The following DNER variants were observed in gnomAD, a reference collection of about 807,000 sequenced individuals.
The protein encoded by DNER is delta/notch like EGF repeat containing, also known as delta and Notch-like epidermal growth factor-related receptor.
DNER carries 33 observed loss-of-function variants against 78.2 expected under a neutral mutation model. The ratio of observed to expected loss-of-function variants is 0.42; its 90% CI spans 0.32 to 0.56. DNER has a LOEUF of 0.56. Ranked by LOEUF, DNER falls within the 20% of genes least tolerant of loss-of-function variation. DNER has a pLI of 0.11. For synonymous variants in DNER, 417 were observed against 384.8 expected (o/e 1.08, Z -0.98); for missense variants, 918 against 975.3 (o/e 0.94, Z 0.78).
At chr2:229,578,161 G>T (rs1425889501) in intron 4 of DNER, among the ~76,000 whole-genome samples, 1 of 152,160 alleles carries the variant, frequency 6.6e-6, no homozygotes, top group East Asian at 1.9e-4. Context: ...AGAGAAAAAC[G>T]TATGCTAAGC....
chr2:229,703,637 G>C (rs1310377111), intron 1 of DNER, among the ~76,000 whole-genome samples: 2 of 152,220 alleles, frequency 1.3e-5, no homozygotes, highest in African/African-American at 4.8e-5. Flanking sequence ...CTAGCACTTT[G>C]AGAGGCCAAG....
chr2:229,636,753 C>A (rs1698537762), intron 1 of DNER, among the ~76,000 whole-genome samples: 1 of 152,102 alleles, frequency 6.6e-6, no homozygotes, highest in African/African-American at 2.4e-5. Context: ...GACTCCTTTG[C>A]AGTTGGGTGT....
chr2:229,382,351 C>T (rs1692759414), intron 11 of DNER, among the ~76,000 whole-genome samples: 1 of 152,118 alleles, frequency 6.6e-6, no homozygotes, highest in Non-Finnish European at 1.5e-5. Context: ...AACCAGAATG[C>T]CTCTTCTCCT....
intron 1 of DNER, among the ~76,000 whole-genome samples, chr2:229,593,414 C>T (rs972295207): frequency 6.6e-6 from 1 of 152,154 alleles, no homozygotes; most frequent in Non-Finnish European, 1.5e-5. Context: ...CTCATTCCAT[C>T]CTCTACTCAA....
At chr2:229,551,933 A>AAAATAAAT (rs540078336) in intron 4 of DNER, among the ~76,000 whole-genome samples, 5 of 151,576 alleles carry the variant, frequency 3.3e-5, no homozygotes, top group Admixed American at 1.3e-4. Flanking sequence ...TCCATCTCAA[A>AAAATAAAT]AAATAAATAA....
chr2:229,681,067 T>C (rs1448913442), intron 1 of DNER, among the ~76,000 whole-genome samples: 1 of 152,134 alleles, frequency 6.6e-6, no homozygotes, highest in Admixed American at 6.6e-5. Flanking sequence ...CTGATAAAAG[T>C]TTAACAACCA....
At chr2:229,596,004 T>C (rs961157719) in intron 1 of DNER, among the ~76,000 whole-genome samples, 1 of 152,094 alleles carries the variant, frequency 6.6e-6, no homozygotes, top group Admixed American at 6.5e-5. Flanking sequence ...TTCTAAAATA[T>C]CCATCATCTT....
chr2:229,611,713 T>A (rs1177878249), intron 1 of DNER, among the ~76,000 whole-genome samples: 1 of 152,218 alleles, frequency 6.6e-6, no homozygotes, highest in Non-Finnish European at 1.5e-5. Flanking sequence ...CAAAGTCCTA[T>A]GGGGTTAGAT....
rs762987684 is a variant in DNER, at chr2:229,547,013, C to T, written c.927G>A (p.Pro309=). The part of the protein sequence containing the change: ...TLVVKVSTCV[P]GESHANDLEC... ...CCAAGTCATTTGCGTGACTCTCCCC[C>T]GGCACACAGGTGCTGACCTTCACCA... is the stretch of plus-strand genomic sequence containing the variant. The change falls in exon 5 of 13, where the codon CCG becomes CCA. Residue 309 remains proline (P), a synonymous_variant. Transcript: ENST00000341772. The T allele has an allele frequency of 1.8e-5, 29 of 1,614,044 alleles. No individual in the cohort carries two copies. Among genetic ancestry groups the T allele is most frequent in the South Asian group, 4.4e-5 (4 of 91,090 alleles).
At position 229,596,795 on chromosome 2, in the gene DNER, C is replaced by T. The variant is rs186812426; in HGVS notation, c.277-4907G>A. ...GGGATGAAACAATGAATGACTGACA[C>T]GGAAGGCCAGGAGAAACACTCTTAG... is the stretch of plus-strand genomic sequence containing the variant. On this transcript the variant is annotated intron_variant, in intron 1 of 12. Coordinates refer to ENST00000341772, the MANE Select transcript of DNER (RefSeq NM_139072.4). 4.6e-5 allele frequency among the ~76,000 whole-genome samples: 7 copies of T among 152,278 alleles called. No homozygotes were observed. In the East Asian group the frequency reaches 7.7e-4, roughly 17 times the overall value.
chr2:229,386,869 CT>C (rs769434848), intron 11 of DNER, among the ~76,000 whole-genome samples: 11 of 152,090 alleles, frequency 7.2e-5, no homozygotes, highest in Non-Finnish European at 1.3e-4. Flanking sequence ...TGCTTTTATA[CT>C]CTTGGTGGGA....
intron 1 of DNER, among the ~76,000 whole-genome samples, chr2:229,702,754 A>C (rs750202437): frequency 6.6e-6 from 1 of 150,896 alleles, no homozygotes; most frequent in Admixed American, 6.6e-5. Flanking sequence ...CATCTCTATT[A>C]AAAACACAAA....
At position 229,682,619 on chromosome 2, in the gene DNER, C is replaced by T. The variant is rs556109784; in HGVS notation, c.276+31529G>A. Among the ~76,000 whole-genome samples the T allele has an allele frequency of 2.6e-5, 4 of 152,160 alleles. No homozygotes were observed. The East Asian group carries it at 5.8e-4, about 22-fold the overall frequency. Reference sequence around the variant, plus strand: ...TCCCAGCACTTTGGGAGGTCGAGGCCGGCAGATCACCTGAGGTCAGGAGTT... The same window carrying T: ...TCCCAGCACTTTGGGAGGTCGAGGCTGGCAGATCACCTGAGGTCAGGAGTT... On this transcript the variant is annotated intron_variant, in intron 1 of 12. Coordinates refer to ENST00000341772, the MANE Select transcript of DNER (RefSeq NM_139072.4).
intron 1 of DNER, among the ~76,000 whole-genome samples, chr2:229,655,504 G>A (rs1167571740): frequency 6.6e-6 from 1 of 152,140 alleles, no homozygotes; most frequent in Admixed American, 6.5e-5. Context: ...AGGCAAATAC[G>A]ACAGTTCAGA....
intron 7 of DNER, among the ~76,000 whole-genome samples, chr2:229,449,378 T>G (rs897701194): frequency 1.3e-5 from 2 of 152,220 alleles, no homozygotes; most frequent in African/African-American, 4.8e-5. Context: ...TTTTTATCTG[T>G]CTAGAAAATG....
At chr2:229,680,268 G>A (rs1699364078) in intron 1 of DNER, among the ~76,000 whole-genome samples, 1 of 152,170 alleles carries the variant, frequency 6.6e-6, no homozygotes, top group South Asian at 2.1e-4. Context: ...ATATGCCACT[G>A]AGTCACGGAT....
chr2:229,707,625 A>G (rs1699850291), intron 1 of DNER, among the ~76,000 whole-genome samples: 3 of 152,246 alleles, frequency 2.0e-5, no homozygotes, highest in East Asian at 1.9e-4. Context: ...ATGTAGCCCC[A>G]GTGCTGGGTT....
At chr2:229,416,160 T>C (rs1330978448) in intron 9 of DNER, among the ~76,000 whole-genome samples, 2 of 152,210 alleles carry the variant, frequency 1.3e-5, no homozygotes, top group Admixed American at 1.3e-4. Flanking sequence ...TTCTCCATGT[T>C]TCCTGTCTTT....
At chr2:229,594,218 C>T (rs151211516) in intron 1 of DNER, among the ~76,000 whole-genome samples, 2 of 152,244 alleles carry the variant, frequency 1.3e-5, no homozygotes, top group African/African-American at 2.4e-5. Flanking sequence ...TCAAAGGACA[C>T]TCCATAGAGT....
Sources: allele counts gnomAD v4.1 joint callset (sites outside exome capture counted in the v4.1 genomes callset), GRCh38; gene constraint gnomAD v4.1.1; transcripts MANE v1.5; gene names NCBI Gene and HGNC (gene_info 2026-07-23, HGNC 2026-07-21).